The following ZNF766 variants were observed in gnomAD, a reference collection of about 807,000 sequenced individuals.
The protein encoded by ZNF766 is zinc finger protein 766.
In ZNF766, 13 loss-of-function variants were observed where a neutral mutation model predicts 13.2. The observed-to-expected ratio is 0.98, with a 90% CI of 0.64 to 1.56. The LOEUF (loss-of-function observed/expected upper bound fraction) is 1.56. Ranked by LOEUF, ZNF766 falls within the 40% of genes most tolerant of loss-of-function variation. The probability of loss-of-function intolerance (pLI) is 0.00; values close to 1 mark genes in which losing one functional copy is unlikely to be tolerated. For missense variants in ZNF766, 521 were observed against 552.2 expected, an observed-to-expected ratio of 0.94 and a Z score of 0.57; for synonymous variants, 178 against 187.6, an observed-to-expected ratio of 0.95 and a Z score of 0.42.
chr19:52,271,128 A>C (rs1163237773), intron 1 of ZNF766, among the ~76,000 whole-genome samples: 1 of 152,150 alleles, frequency 6.6e-6, no homozygotes, highest in Non-Finnish European at 1.5e-5. Context: ...CCCAGAACTC[A>C]GAGAAAATTT....
At chr19:52,284,149 G>C (rs1273592451) in intron 3 of ZNF766, among the ~76,000 whole-genome samples, 1 of 152,210 alleles carries the variant, frequency 6.6e-6, no homozygotes, top group African/African-American at 2.4e-5. Flanking sequence ...CCTGTCATGT[G>C]GCTTCTGTCA....
At chr19:52,289,993 T>A (rs755418361) in intron 3 of ZNF766, 73 bp from the exon 4 acceptor site, 73 of 1,494,018 alleles carry the variant, frequency 4.9e-5, no homozygotes, top group Admixed American at 1.1e-4. Flanking sequence ...AAAGCCAGAC[T>A]CCAACTCAAA....
chr19:52,291,095 G>C lies in ZNF766; in HGVS notation c.1304G>C (p.Gly435Ala). 6.2e-7 allele frequency: 1 copy of C among 1,614,134 alleles called. No individual in the cohort carries two copies. The highest frequency in any genetic ancestry group is 8.5e-7 in the Non-Finnish European group (1 of 1,179,986). Reference protein sequence around the residue: ...HLANHQRIHTGEKPYKCHVCG... With the variant: ...HLANHQRIHTAEKPYKCHVCG... ...GCAAATCATCAGAGAATCCACACTG[G>C]AGAGAAACCTTACAAATGCCATGTG... The change falls in exon 4 of 4, where the codon GGA (glycine) becomes GCA (alanine). Residue 435 changes from glycine to alanine, a missense_variant. Gly to Ala is a moderately conservative substitution (Grantham distance 60). Coordinates refer to ENST00000439461, the MANE Select transcript of ZNF766 (RefSeq NM_001010851.3).
chr19:52,269,647 T>C lies in ZNF766; in HGVS notation c.18+16T>C. 6.2e-7 allele frequency: 1 copy of C among 1,612,742 alleles called. No individual in the cohort carries two copies. Among genetic ancestry groups the C allele is most frequent in the East Asian group, 2.2e-5 (1 of 44,820 alleles). On this transcript the variant is annotated intron_variant, in intron 1 of 3. Coordinates refer to ENST00000439461, the MANE Select transcript of ZNF766 (RefSeq NM_001010851.3). ...ACTGCGGCGCGTGAGTTTTCCTTTG[T>C]TTAGATTAAGTGTTCGCTTAGCGGT...
rs566939971 is a variant in ZNF766 at position 52,277,630 on chromosome 19, A to G, written c.19-4481A>G. On this transcript the variant is annotated intron_variant, in intron 1 of 3. Transcript: ENST00000439461. ...AGTTGAGAATCTTCTCTGAGTCTGA[A>G]GCATCCTGCCTGACAGGTTTGCTCA... 2.0e-5 allele frequency: 28 copies of G among 1,397,120 alleles called. No individual in the cohort carries two copies. In the African/African-American group the frequency reaches 3.8e-4, roughly 19 times the overall value. The allele number at this position is 1,397,120 out of a possible 1,614,324, so 86.5% of individuals were successfully genotyped here.
intron 1 of ZNF766, chr19:52,274,528 A>G (rs533274424): frequency 6.6e-6 from 1 of 152,396 alleles, no homozygotes; most frequent in Non-Finnish European, 1.5e-5. Flanking sequence ...TTCATGAGGA[A>G]TGGGTTAATG....
Position 52,290,574 on chromosome 19 carries a change from CGAGAAAGTGCATACT to C in ZNF766, c.785_799del (p.Glu262_Thr266del). ...ATCGAATTGCATACCTTGCACGACA[CGAGAAAGTGCATACT>C]GGAGAGAGTCCTTACAAATGTAATG... On this transcript the variant is annotated inframe_deletion, in exon 4 of 4. Coordinates refer to ENST00000439461, the MANE Select transcript of ZNF766 (RefSeq NM_001010851.3). 1 of 1,613,650 alleles carries C rather than the reference CGAGAAAGTGCATACT, an allele frequency of 6.2e-7. No individual in the cohort carries two copies. Among genetic ancestry groups the C allele is most frequent in the East Asian group, 2.2e-5 (1 of 44,822 alleles).
In ZNF766 at chr19:52,283,360, T is replaced by C. The variant is rs897571622; in HGVS notation, c.221T>C (p.Met74Thr). The change falls in exon 3 of 4, where the codon ATG (methionine) becomes ACG (threonine). Residue 74 changes from methionine to threonine, a missense_variant. By Grantham distance (81) the Met-to-Thr change is moderately conservative. Coordinates refer to ENST00000439461, the MANE Select transcript of ZNF766 (RefSeq NM_001010851.3). ...GAGCCCTGGACTGTGGAGAATGAAA[T>C]GAAAGTAGCAAAAAATCCAGATAGG... ...RTEPWTVENE[M>T]KVAKNPDRWE... 2.5e-6 allele frequency: 4 copies of C among 1,612,400 alleles called. No individual in the cohort carries two copies. Among genetic ancestry groups the C allele is most frequent in the Non-Finnish European group, 2.5e-6 (3 of 1,179,266 alleles).
At chr19:52,286,525 C>T (rs1023601993) in intron 3 of ZNF766, among the ~76,000 whole-genome samples, 2 of 152,130 alleles carry the variant, frequency 1.3e-5, no homozygotes, top group African/African-American at 4.8e-5. Flanking sequence ...ATCCTCCCGC[C>T]TTGGCCTTCC....
At chr19:52,281,048 G>A (rs536526401) in intron 1 of ZNF766, among the ~76,000 whole-genome samples, 2 of 151,794 alleles carry the variant, frequency 1.3e-5, no homozygotes, top group South Asian at 2.1e-4. Context: ...TCAGCTACTC[G>A]GGAGGCTGAG....
In ZNF766 at chr19:52,283,408, A is replaced by G. The variant is rs763949661; in HGVS notation, c.269A>G (p.Asn90Ser). 2 of 1,593,356 alleles carry G rather than the reference A, an allele frequency of 1.3e-6. No homozygotes were observed. The highest frequency in any genetic ancestry group is 1.1e-5 in the South Asian group (1 of 88,982). ...AGGTGGGAAGGTATCAAAGATATCA[A>G]CACAGGTAAGAGCTCAGATGGACAG... ...PDRWEGIKDI[N>S]TGRSCAVRSK... Residue 90 changes from asparagine to serine, a missense_variant, in exon 3 of 4, where the codon AAC becomes AGC. By Grantham distance (46) the Asn-to-Ser change is conservative. Coordinates refer to ENST00000439461, the MANE Select transcript of ZNF766 (RefSeq NM_001010851.3).
chr19:52,278,810 C>T (rs924382898), intron 1 of ZNF766, among the ~76,000 whole-genome samples: 2 of 152,186 alleles, frequency 1.3e-5, no homozygotes, highest in Admixed American at 6.5e-5. Context: ...AAAATTTTCT[C>T]CCATTCTGTA....
intron 3 of ZNF766, among the ~76,000 whole-genome samples, chr19:52,287,288 G>A (rs112414863): frequency 0.065 from 9,956 of 152,132 alleles, 670 homozygotes; most frequent in African/African-American, 0.17. Flanking sequence ...GATTACAGGC[G>A]CGTGCCACTA....
In ZNF766 at chr19:52,295,141, A is replaced by C. The variant is rs1341450242; in HGVS notation, c.*3943A>C. 6.7e-6 allele frequency: 1 copy of C among 149,686 alleles called. No individual in the cohort carries two copies. Among genetic ancestry groups the C allele is most frequent in the Non-Finnish European group, 1.5e-5 (1 of 67,490 alleles). The allele number at this position is 149,686 out of a possible 1,614,324, so 9.3% of individuals were successfully genotyped here. Reference sequence around the variant, plus strand: ...GACACATATATAATATTTTTTTTTTACTTTTTTCTTTTTCTGTACATTGCA... The same window carrying C: ...GACACATATATAATATTTTTTTTTTCCTTTTTTCTTTTTCTGTACATTGCA... On this transcript the variant is annotated 3_prime_UTR_variant, in exon 4 of 4. Coordinates refer to ENST00000439461, the MANE Select transcript of ZNF766 (RefSeq NM_001010851.3).
At chr19:52,286,083 C>T (rs1376311849) in intron 3 of ZNF766, among the ~76,000 whole-genome samples, 1 of 137,754 alleles carries the variant, frequency 7.3e-6, no homozygotes, top group Non-Finnish European at 1.6e-5. Context: ...GTGGGTACCA[C>T]TGCATTTAAA....
chr19:52,296,042 CTCTA>C (rs1185356050), exon 4 of ZNF766: 1 of 151,412 alleles, frequency 6.6e-6, no homozygotes, highest in African/African-American at 2.4e-5. Context: ...TTGTATATGT[CTCTA>C]TCTGGGTGTC....
rs535590256 is a variant in ZNF766, at chr19:52,277,601, C to T, written c.19-4510C>T. ...TTATTTCTTCCTGAAATGCCGGGTG[C>T]TGGAGTTGAGAATCTTCTCTGAGTC... On this transcript the variant is annotated intron_variant, in intron 1 of 3. Coordinates refer to ENST00000439461, the MANE Select transcript of ZNF766 (RefSeq NM_001010851.3). 9.0e-5 allele frequency: 137 copies of T among 1,514,352 alleles called. 1 individual carries two copies. The South Asian group carries it at 1.6e-3, about 18-fold the overall frequency. The allele number at this position is 1,514,352 out of a possible 1,614,324, so 93.8% of individuals were successfully genotyped here. A position where few individuals can be genotyped will look rare whatever the true frequency, so the allele number is the denominator to read the frequency against.
intron 3 of ZNF766, among the ~76,000 whole-genome samples, chr19:52,287,054 C>T (rs1341667041): frequency 2.6e-5 from 4 of 151,880 alleles, no homozygotes; most frequent in Non-Finnish European, 5.9e-5. Context: ...AAGCTGGTCT[C>T]GAACTCCTGA....
In ZNF766 at chr19:52,293,667, C is replaced by G. The variant is rs1428692681; in HGVS notation, c.*2469C>G. 2 of 152,754 alleles carry G rather than the reference C, an allele frequency of 1.3e-5. No individual in the cohort carries two copies. The highest frequency in any genetic ancestry group is 2.9e-5 in the Non-Finnish European group (2 of 68,736). 9.5% of individuals were successfully genotyped at this position (152,754 alleles called of 1,614,324 possible). On this transcript the variant is annotated 3_prime_UTR_variant, in exon 4 of 4. Transcript: ENST00000439461. ...TGAGATGGAGTTTCGCTCTTGTTTCCCAGGCTGGAGTGCAATGGTGTGATC... is the reference window on the plus strand; with the variant it reads ...TGAGATGGAGTTTCGCTCTTGTTTCGCAGGCTGGAGTGCAATGGTGTGATC...
Sources: allele counts gnomAD v4.1 joint callset (sites outside exome capture counted in the v4.1 genomes callset), GRCh38; gene constraint gnomAD v4.1.1; transcripts MANE v1.5; gene names NCBI Gene and HGNC (gene_info 2026-07-23, HGNC 2026-07-21).